Variants in PKNOX2 observed in about 807,000 individuals in gnomAD.
The protein encoded by PKNOX2 is homeobox protein PKNOX2.
Under a neutral mutation model 53.1 loss-of-function variants are expected in PKNOX2, and 14 were observed. The observed-to-expected ratio is 0.26, with a 90% CI of 0.17 to 0.41. The LOEUF is 0.41. PKNOX2 is among the 10% of genes least tolerant of loss of function. The pLI is 1.00. For missense variants in PKNOX2, 496 were observed against 602.8 expected, an observed-to-expected ratio of 0.82 and a Z score of 1.85; for synonymous variants, 257 against 242.8, an observed-to-expected ratio of 1.06 and a Z score of -0.54.
At chr11:125,315,303 G>GAAAAAAAAAAAAAAAAAAAAAAAAAAAA (rs534448203) in intron 2 of PKNOX2, among the ~76,000 whole-genome samples, 5 of 79,456 alleles carry the variant, frequency 6.3e-5, no homozygotes, top group Admixed American at 1.5e-4. Context: ...TGTGAAGCAG[G>GAAAAAAAAAAAAAAAAAAAAAAAAAAAA]AAAAAAAAAA....
chr11:125,315,303 G>GAAAAAAAAAAAAAAAAAAAAAAA (rs534448203), intron 2 of PKNOX2, among the ~76,000 whole-genome samples: 44 of 79,438 alleles, frequency 5.5e-4, no homozygotes, highest in Non-Finnish European at 7.9e-4. Context: ...TGTGAAGCAG[G>GAAAAAAAAAAAAAAAAAAAAAAA]AAAAAAAAAA....
At chr11:125,384,095 A>C (rs892562491) in intron 5 of PKNOX2, among the ~76,000 whole-genome samples, 2 of 152,272 alleles carry the variant, frequency 1.3e-5, no homozygotes, top group Non-Finnish European at 2.9e-5. Flanking sequence ...ATGCACTCGC[A>C]TGCACACATA....
intron 2 of PKNOX2, among the ~76,000 whole-genome samples, chr11:125,282,292 T>C (rs190373864): frequency 3.0e-4 from 46 of 152,368 alleles, no homozygotes; most frequent in African/African-American, 9.9e-4. Flanking sequence ...AGAATCTTAG[T>C]TCCTGGCTGT....
chr11:125,201,975 T>C (rs893602345), intron 1 of PKNOX2, among the ~76,000 whole-genome samples: 1 of 152,200 alleles, frequency 6.6e-6, no homozygotes, highest in Non-Finnish European at 1.5e-5. Flanking sequence ...GGCTGTGACA[T>C]ACAGCCCCCT....
intron 2 of PKNOX2, among the ~76,000 whole-genome samples, chr11:125,323,020 G>A (rs1949616550): frequency 1.3e-5 from 2 of 152,198 alleles, no homozygotes; most frequent in Admixed American, 6.5e-5. Context: ...GGAGTCCCCT[G>A]ATGCAGACCA....
intron 2 of PKNOX2, among the ~76,000 whole-genome samples, chr11:125,276,867 C>A (rs1177907469): frequency 6.6e-6 from 1 of 152,086 alleles, no homozygotes; most frequent in Non-Finnish European, 1.5e-5. Flanking sequence ...CTGATACAGA[C>A]CCTGAATAAG....
At chr11:125,323,993 C>A (rs1949683475) in intron 2 of PKNOX2, among the ~76,000 whole-genome samples, 1 of 152,164 alleles carries the variant, frequency 6.6e-6, no homozygotes, top group Admixed American at 6.5e-5. Flanking sequence ...CAGTTCCTAG[C>A]ATCCTTTTTC....
intron 1 of PKNOX2, among the ~76,000 whole-genome samples, chr11:125,234,044 G>T (rs955246363): frequency 6.6e-6 from 1 of 152,124 alleles, no homozygotes; most frequent in Non-Finnish European, 1.5e-5. Context: ...ATGCCTTTCT[G>T]CCCCTTGGCC....
intron 2 of PKNOX2, among the ~76,000 whole-genome samples, chr11:125,317,077 T>G (rs1303163507): frequency 1.3e-5 from 2 of 152,228 alleles, no homozygotes; most frequent in Non-Finnish European, 2.9e-5. Context: ...CTCAGAAAAC[T>G]GCATTCTTTG....
chr11:125,419,575 TAAGGA>T (rs1956064922), intron 10 of PKNOX2, among the ~76,000 whole-genome samples: 1 of 151,936 alleles, frequency 6.6e-6, no homozygotes, highest in African/African-American at 2.4e-5. Flanking sequence ...GCATACGTAT[TAAGGA>T]TTAACTTTTT....
intron 6 of PKNOX2, among the ~76,000 whole-genome samples, chr11:125,387,457 C>T (rs1241267023): frequency 6.6e-6 from 1 of 152,206 alleles, no homozygotes; most frequent in Non-Finnish European, 1.5e-5. Flanking sequence ...GCTCTGGAGA[C>T]CCACCAAGAA....
Position 125,397,886 on chromosome 11 carries a change from A to G in PKNOX2, c.412A>G (p.Ile138Val), listed in dbSNP as rs754748862. ...PELDNLMVKA[I>V]QVLRIHLLEL... is the part of the protein sequence containing the mutation. ...TCCCTCTCCACAGATGGTGAAGGCA[A>G]TCCAGGTCCTGAGAATCCACCTGCT... Residue 138 changes from isoleucine (I) to valine (V), a missense_variant, in exon 7 of 13, where the codon ATC (isoleucine) becomes GTC (valine). This residue lies in a region of PKNOX2 where 168 missense variants were observed against 178.4 expected (regional missense o/e 0.94). Coordinates refer to ENST00000298282, the MANE Select transcript of PKNOX2 (RefSeq NM_001382323.2). 58 of 1,611,444 alleles carry G rather than the reference A, an allele frequency of 3.6e-5. No individual in the cohort carries two copies. The highest frequency in any genetic ancestry group is 4.9e-5 in the Non-Finnish European group (58 of 1,178,796).
At chr11:125,382,164 A>G (rs1035795) in intron 5 of PKNOX2, among the ~76,000 whole-genome samples, 5,357 of 152,334 alleles carry the variant, frequency 0.035, 99 homozygotes, top group Middle Eastern at 0.051. Flanking sequence ...ACAGCACACA[A>G]AATCAGCACC....
chr11:125,291,527 G>T (rs1947302205), intron 2 of PKNOX2, among the ~76,000 whole-genome samples: 1 of 152,108 alleles, frequency 6.6e-6, no homozygotes, highest in Non-Finnish European at 1.5e-5. Context: ...TTGAAACATA[G>T]AATTACCATT....
At chr11:125,356,426 G>C (rs1383561624) in intron 4 of PKNOX2, among the ~76,000 whole-genome samples, 3 of 152,242 alleles carry the variant, frequency 2.0e-5, no homozygotes, top group Non-Finnish European at 4.4e-5. Flanking sequence ...CAGGCAGTTA[G>C]AACTCGTAGT....
At chr11:125,315,977 G>A (rs552197386) in intron 2 of PKNOX2, among the ~76,000 whole-genome samples, 14 of 152,338 alleles carry the variant, frequency 9.2e-5, no homozygotes, top group Admixed American at 5.9e-4. Context: ...GTAAGGCACA[G>A]TCTCTGTCCT....
intron 2 of PKNOX2, among the ~76,000 whole-genome samples, chr11:125,293,807 ACACACT>A (rs989837089): frequency 1.5e-5 from 2 of 136,642 alleles, no homozygotes; most frequent in African/African-American, 7.1e-5. Flanking sequence ...ACACGCTCAC[ACACACT>A]CACACACACT....
At chr11:125,275,283 G>A (rs1254793606) in intron 2 of PKNOX2, among the ~76,000 whole-genome samples, 1 of 152,084 alleles carries the variant, frequency 6.6e-6, no homozygotes, top group Admixed American at 6.5e-5. Flanking sequence ...AGATGGGAGG[G>A]AGAGCATCTC....
At chr11:125,386,769 G>A (rs575015196) in intron 6 of PKNOX2, among the ~76,000 whole-genome samples, 13 of 133,190 alleles carry the variant, frequency 9.8e-5, no homozygotes, top group Admixed American at 8.9e-4. Flanking sequence ...CTGCAGAACC[G>A]GTGTAACTGG....
Sources: allele counts gnomAD v4.1 joint callset (sites outside exome capture counted in the v4.1 genomes callset), GRCh38; gene constraint gnomAD v4.1.1; regional missense constraint gnomAD v4.1.1; transcripts MANE v1.5; gene names NCBI Gene and HGNC (gene_info 2026-07-23, HGNC 2026-07-21).